The following CDKL5 variants were observed in gnomAD, a reference collection of about 807,000 sequenced individuals.
CDKL5 encodes the protein cyclin dependent kinase like 5.
Under a neutral mutation model 61.7 loss-of-function variants are expected in CDKL5, and 8 were observed. That is an observed-to-expected ratio of 0.13 (90% CI 0.08 to 0.23). The LOEUF (loss-of-function observed/expected upper bound fraction) is 0.23. Ranked by LOEUF, CDKL5 falls within the 10% of genes least tolerant of loss-of-function variation. The pLI, the probability that CDKL5 is intolerant of heterozygous loss-of-function variation, is 1.00. For synonymous variants in CDKL5, 275 were observed against 272.3 expected (o/e 1.01, Z -0.10); for missense variants, 440 against 734.5 (o/e 0.60, Z 4.63).
At chrX:18,512,470 C>T (rs1455141156) in intron 3 of CDKL5, among the ~76,000 whole-genome samples, 2 of 110,978 alleles carry the variant, frequency 1.8e-5, no homozygotes, top group African/African-American at 6.5e-5. Context: ...GAATTTAAGC[C>T]TTCGTGACAC....
At position 18,631,791 on chromosome X, in the gene CDKL5, T is replaced by C; in HGVS notation, c.*3034T>C. On this transcript the variant is annotated 3_prime_UTR_variant, in exon 18 of 18. Transcript: ENST00000623535. ...TAAATACCCTTTAACTGAACCTTGT[T>C]GGTCTTGCTCTAAAATTTAGCCTCT... 2 of 753,872 alleles carry C rather than the reference T, an allele frequency of 2.7e-6. No homozygotes were observed. The highest frequency in any genetic ancestry group is 3.1e-6 in the Non-Finnish European group (2 of 638,794). 62.1% of individuals were successfully genotyped at this position (753,872 alleles called of 1,213,427 possible).
Position 18,562,373 on chromosome X carries a change from G to GAAA in CDKL5, c.100-2104_100-2103insAAA, listed in dbSNP as rs1475424914. 2.7e-5 allele frequency among the ~76,000 whole-genome samples: 3 copies of GAAA among 111,570 alleles called. No homozygotes were observed. The East Asian group carries it at 8.4e-4, about 31-fold the overall frequency. The stretch of plus-strand genomic sequence containing the variant: ...TGTTCATTAATAGACTTGTTAAATA[G>GAAA]CCATCCATGAAAAATGGTGGTTTTA... On this transcript the variant is annotated intron_variant, in intron 3 of 17. Coordinates refer to ENST00000623535, the MANE Select transcript of CDKL5 (RefSeq NM_001323289.2).
At chrX:18,536,805 C>T (rs956079010) in intron 3 of CDKL5, among the ~76,000 whole-genome samples, 3 of 110,526 alleles carry the variant, frequency 2.7e-5, no homozygotes, top group East Asian at 2.8e-4. Context: ...CTGGCTGCAC[C>T]GATCTTTCCT....
chrX:18,543,626 A>G (rs958418914), intron 3 of CDKL5, among the ~76,000 whole-genome samples: 1 of 111,950 alleles, frequency 8.9e-6, no homozygotes. Context: ...ACATATTTTA[A>G]TATTTAAAGA....
chrX:18,426,669 A>G (rs1011730947), intron 1 of CDKL5: 3 of 112,588 alleles, frequency 2.7e-5, no homozygotes, highest in Non-Finnish European at 5.6e-5. Context: ...TTTAGAAAGT[A>G]TTGTTGACAC....
At chrX:18,489,577 A>G (rs1017542872) in intron 1 of CDKL5, among the ~76,000 whole-genome samples, 11 of 111,237 alleles carry the variant, frequency 9.9e-5, no homozygotes, top group East Asian at 2.8e-4. Flanking sequence ...GGGAGATTCT[A>G]TTGATTCCAG....
chrX:18,539,588 C>T (rs931419363), intron 3 of CDKL5, among the ~76,000 whole-genome samples: 1 of 111,504 alleles, frequency 9.0e-6, no homozygotes, highest in African/African-American at 3.3e-5. Flanking sequence ...ATGATTTCAG[C>T]TCTTTAAAAT....
chrX:18,604,010 C>T lies in CDKL5; in HGVS notation c.1086C>T (p.Ala362=), dbSNP rs761253221. 8.3e-7 allele frequency: 1 copy of T among 1,209,198 alleles called. No individual in the cohort carries two copies. The highest frequency in any genetic ancestry group is 1.1e-6 in the Non-Finnish European group (1 of 895,044). ...CCCGGGCTGACGAAGGTCTCCCTGC[C>T]AATGAAAGCTTCCTAAATGGAAACC... is the stretch of plus-strand genomic sequence containing the variant. ...GLPRADEGLP[A]NESFLNGNLA... Residue 362 remains alanine (A), a synonymous_variant, in exon 12 of 18, where the codon GCC becomes GCT. Transcript: ENST00000623535.
chrX:18,571,209 C>T (rs1252658243), intron 4 of CDKL5, among the ~76,000 whole-genome samples: 1 of 111,238 alleles, frequency 9.0e-6, no homozygotes, highest in East Asian at 2.8e-4. Context: ...GTTTTTCTTC[C>T]ACCCATACTA....
At chrX:18,584,483 C>CA in intron 8 of CDKL5, 130 bp downstream of exon 8, 1 of 511,140 alleles carries the variant, frequency 2.0e-6, no homozygotes, top group South Asian at 2.8e-5. Flanking sequence ...TGCAGTATAA[C>CA]AAACTACCTA....
At chrX:18,515,565 T>C (rs898084104) in intron 3 of CDKL5, among the ~76,000 whole-genome samples, 8 of 110,981 alleles carry the variant, frequency 7.2e-5, no homozygotes, top group African/African-American at 2.6e-4. Context: ...TGAAAGATGA[T>C]CCCAGGGACT....
intron 3 of CDKL5, among the ~76,000 whole-genome samples, chrX:18,557,716 A>G (rs1003580728): frequency 8.9e-6 from 1 of 112,224 alleles, no homozygotes. Context: ...AGTAAATTGT[A>G]TGGCTGTTAA....
intron 1 of CDKL5, among the ~76,000 whole-genome samples, chrX:18,436,325 T>A (rs1931608351): frequency 9.1e-6 from 1 of 110,133 alleles, no homozygotes; most frequent in African/African-American, 3.3e-5. Context: ...GGAGGCACAC[T>A]CAGTGTAATT....
At chrX:18,431,324 T>G (rs1459508978) in intron 1 of CDKL5, among the ~76,000 whole-genome samples, 1 of 112,239 alleles carries the variant, frequency 8.9e-6, no homozygotes, top group Non-Finnish European at 1.9e-5. Flanking sequence ...AAAGTGCTGA[T>G]GAATACTGTA....
chrX:18,585,079 C>T (rs1943425709), intron 8 of CDKL5, among the ~76,000 whole-genome samples: 1 of 112,086 alleles, frequency 8.9e-6, no homozygotes, highest in Non-Finnish European at 1.9e-5. Context: ...TGTCCAACCA[C>T]TTTGCCAGGC....
chrX:18,494,190 A>G (rs1225893144), intron 1 of CDKL5, among the ~76,000 whole-genome samples: 1 of 112,088 alleles, frequency 8.9e-6, no homozygotes, highest in East Asian at 2.8e-4. Context: ...TGGTGGGATT[A>G]CAGGCGTGAG....
At chrX:18,457,821 G>C (rs988426297) in intron 1 of CDKL5, among the ~76,000 whole-genome samples, 2 of 106,936 alleles carry the variant, frequency 1.9e-5, no homozygotes, top group African/African-American at 3.4e-5. Flanking sequence ...TCACCATGTT[G>C]GTTGGGCTGG....
At chrX:18,508,962 G>A (rs1452031501) in intron 2 of CDKL5, among the ~76,000 whole-genome samples, 4 of 109,057 alleles carry the variant, frequency 3.7e-5, no homozygotes, top group African/African-American at 1.3e-4. Context: ...GTGTGGTGGC[G>A]GGCGCCTGTA....
At chrX:18,509,421 C>T (rs1410446183) in intron 2 of CDKL5, among the ~76,000 whole-genome samples, 1 of 110,813 alleles carries the variant, frequency 9.0e-6, no homozygotes, top group African/African-American at 3.3e-5. Context: ...TCCATCTCTA[C>T]CAAAGTGAGG....
Sources: gnomAD v4.1 joint callset for allele counts (sites outside exome capture counted in the v4.1 genomes callset) on GRCh38, gnomAD v4.1.1 for gene constraint, MANE v1.5 for transcripts, NCBI Gene and HGNC (gene_info 2026-07-23, HGNC 2026-07-21) for gene names.